The following UBE2W variants were observed in gnomAD, a reference collection of about 807,000 sequenced individuals.
UBE2W encodes ubiquitin-conjugating enzyme E2 W.
A neutral mutation model predicts 27.2 loss-of-function variants in UBE2W; 18 were observed. The ratio of observed to expected loss-of-function variants is 0.66; its 90% CI spans 0.46 to 0.98. The LOEUF (loss-of-function observed/expected upper bound fraction) is 0.98. Ranked by LOEUF, UBE2W falls within the 50% of genes least tolerant of loss-of-function variation. The pLI is 0.00. For synonymous variants in UBE2W, 53 were observed against 57.2 expected (o/e 0.93, Z 0.33); for missense variants, 90 against 180.2 (o/e 0.50, Z 2.87).
downstream of UBE2W, among the ~76,000 whole-genome samples, chr8:73,782,757 T>C (rs1210073217): frequency 6.6e-6 from 1 of 152,244 alleles, no homozygotes; most frequent in African/African-American, 2.4e-5. Flanking sequence ...TTTGTGGACA[T>C]ATGCTTTCTT....
chr8:73,784,130 C>T (rs566852992), downstream of UBE2W, among the ~76,000 whole-genome samples: 29 of 152,232 alleles, frequency 1.9e-4, no homozygotes, highest in Middle Eastern at 6.8e-3. Flanking sequence ...GCAGTGTGTG[C>T]TTATACATGC....
chr8:73,844,399 T>C (rs185563075), intron 1 of UBE2W, among the ~76,000 whole-genome samples: 1 of 152,334 alleles, frequency 6.6e-6, no homozygotes, highest in Admixed American at 6.5e-5. Context: ...TCTGCCAGCC[T>C]CGGCCTCCCG....
In UBE2W at chr8:73,794,045, A is replaced by G. The variant is rs1808310024; in HGVS notation, c.*57T>C. On this transcript the variant is annotated 3_prime_UTR_variant, in exon 6 of 6. Transcript: ENST00000602593. Reference sequence around the variant, plus strand: ...GTTAAAGTTCAAAGACTGAATGATCAAAGTGCTCATTTTCTCAGTAGGACT... The same window carrying G: ...GTTAAAGTTCAAAGACTGAATGATCGAAGTGCTCATTTTCTCAGTAGGACT... The G allele has an allele frequency of 6.2e-7, 1 of 1,610,850 alleles. No individual in the cohort carries two copies. The highest frequency in any genetic ancestry group is 8.5e-7 in the Non-Finnish European group (1 of 1,178,678).
chr8:73,786,600 G>C lies in UBE2W; in HGVS notation c.*7502C>G. On this transcript the variant is annotated 3_prime_UTR_variant, in exon 6 of 6. Coordinates refer to ENST00000602593, the MANE Select transcript of UBE2W (RefSeq NM_018299.6). ...ACTAGACCTTTCAGGTAGAAACGCA[G>C]ATCATGAACATTCTAGGAGGGAAGA... is the stretch of plus-strand genomic sequence containing the variant. The C allele has an allele frequency of 1.0e-6, 1 of 985,434 alleles. No individual in the cohort carries two copies. The highest frequency in any genetic ancestry group is 1.2e-6 in the Non-Finnish European group (1 of 829,936). The allele number at this position is 985,434 out of a possible 1,614,324, so 61.0% of individuals were successfully genotyped here. A position where few individuals can be genotyped will look rare whatever the true frequency, so the allele number is the denominator to read the frequency against.
chr8:73,782,959 G>C (rs1024142389), downstream of UBE2W, among the ~76,000 whole-genome samples: 30 of 152,144 alleles, frequency 2.0e-4, no homozygotes, highest in African/African-American at 6.0e-4. Flanking sequence ...TGGGTGTGTA[G>C]TGGTATCTCA....
chr8:73,828,289 G>A (rs186215545), intron 2 of UBE2W, among the ~76,000 whole-genome samples: 123 of 152,140 alleles, frequency 8.1e-4, no homozygotes, highest in African/African-American at 2.9e-3. Flanking sequence ...TGGCTTTGGT[G>A]GATTTATTAA....
In UBE2W at chr8:73,788,722, T is replaced by C. The variant is rs1452216659; in HGVS notation, c.*5380A>G. On this transcript the variant is annotated 3_prime_UTR_variant, in exon 6 of 6. Transcript: ENST00000602593. ...TGCTTTTGCCTTTGAGAAAACAACT[T>C]AGAATTGTTGTAGGACCAATGAGAA... The C allele has an allele frequency of 3.0e-6, 3 of 985,238 alleles. No individual in the cohort carries two copies. Among genetic ancestry groups the C allele is most frequent in the African/African-American group, 1.7e-5 (1 of 57,208 alleles). The allele number at this position is 985,238 out of a possible 1,614,324, so 61.0% of individuals were successfully genotyped here. A position where few individuals can be genotyped will look rare whatever the true frequency, so the allele number is the denominator to read the frequency against.
At chr8:73,862,154 G>A (rs1370187077) in intron 1 of UBE2W, among the ~76,000 whole-genome samples, 1 of 152,178 alleles carries the variant, frequency 6.6e-6, no homozygotes, top group Non-Finnish European at 1.5e-5. Context: ...TGAAGGCCAG[G>A]TGCAGTGGCT....
intron 1 of UBE2W, among the ~76,000 whole-genome samples, chr8:73,843,269 C>G (rs1230954556): frequency 6.6e-6 from 1 of 152,090 alleles, no homozygotes; most frequent in African/African-American, 2.4e-5. Flanking sequence ...GGTTGCACAA[C>G]AGAGTAAATA....
At chr8:73,816,689 T>A (rs1427286833) in intron 3 of UBE2W, among the ~76,000 whole-genome samples, 2 of 152,186 alleles carry the variant, frequency 1.3e-5, no homozygotes, top group Non-Finnish European at 2.9e-5. Flanking sequence ...ATAAACATTT[T>A]CCCTATTTCT....
At chr8:73,850,678 G>A (rs1325268538) in intron 1 of UBE2W, among the ~76,000 whole-genome samples, 3 of 121,572 alleles carry the variant, frequency 2.5e-5, no homozygotes, top group Non-Finnish European at 4.9e-5. Context: ...ATCCAAGACA[G>A]CAATTTACTG....
intron 4 of UBE2W, among the ~76,000 whole-genome samples, chr8:73,807,814 C>T (rs1808980231): frequency 6.6e-6 from 1 of 152,100 alleles, no homozygotes; most frequent in Admixed American, 6.5e-5. Flanking sequence ...TCATTTATCT[C>T]CCTGACAAAT....
At chr8:73,854,696 A>G (rs1413632147) in intron 1 of UBE2W, among the ~76,000 whole-genome samples, 4 of 152,214 alleles carry the variant, frequency 2.6e-5, no homozygotes, top group Non-Finnish European at 5.9e-5. Flanking sequence ...AGTATGAATT[A>G]CAAATACAGT....
chr8:73,849,844 A>G (rs1810998847), intron 1 of UBE2W, among the ~76,000 whole-genome samples: 1 of 152,148 alleles, frequency 6.6e-6, no homozygotes, highest in Non-Finnish European at 1.5e-5. Flanking sequence ...AGATACTAGG[A>G]TAAGTTTTAA....
chr8:73,830,746 A>G (rs545413459), intron 1 of UBE2W, among the ~76,000 whole-genome samples: 2 of 152,232 alleles, frequency 1.3e-5, no homozygotes, highest in Admixed American at 6.5e-5. Flanking sequence ...TCAGCTTCCC[A>G]AAGTGCTGAG....
chr8:73,791,796 G>GT lies in UBE2W; in HGVS notation c.*2305dup. The stretch of plus-strand genomic sequence containing the variant: ...TTTTCTACTCTTTAAACCATAAGAT[G>GT]TACCGAAATTATTTCATTTTCCTCT... On this transcript the variant is annotated 3_prime_UTR_variant, in exon 6 of 6. Coordinates refer to ENST00000602593, the MANE Select transcript of UBE2W (RefSeq NM_018299.6). 8.1e-6 allele frequency: 8 copies of GT among 984,598 alleles called. No homozygotes were observed. The highest frequency in any genetic ancestry group is 9.6e-6 in the Non-Finnish European group (8 of 829,298). The allele number at this position is 984,598 out of a possible 1,614,324, so 61.0% of individuals were successfully genotyped here.
At chr8:73,817,574 G>A (rs1276440631) in intron 3 of UBE2W, among the ~76,000 whole-genome samples, 2 of 152,088 alleles carry the variant, frequency 1.3e-5, no homozygotes, top group Non-Finnish European at 2.9e-5. Flanking sequence ...CTGGAGTGCA[G>A]TGGCATGATC....
rs190826206 is a variant in UBE2W, at chr8:73,847,992, G to A, written c.16-17520C>T. ...TGAGGCGGGTGGATCACCTGAGGTC[G>A]GGAGTTTGAGACCAGCCTGACCAAT... On this transcript the variant is annotated intron_variant, in intron 1 of 5. Transcript: ENST00000602593. Among the ~76,000 whole-genome samples the A allele has an allele frequency of 2.7e-3, 415 of 151,470 alleles. 2 individuals are homozygous for A. Among genetic ancestry groups the A allele is most frequent in the African/African-American group, 9.7e-3 (402 of 41,266 alleles).
intron 2 of UBE2W, among the ~76,000 whole-genome samples, chr8:73,826,731 T>C (rs1193769493): frequency 6.6e-6 from 1 of 152,216 alleles, no homozygotes; most frequent in Non-Finnish European, 1.5e-5. Flanking sequence ...ATAGTTAATC[T>C]TAACTCATTG....
Sources: allele counts gnomAD v4.1 joint callset (sites outside exome capture counted in the v4.1 genomes callset), GRCh38; gene constraint gnomAD v4.1.1; transcripts MANE v1.5; gene names NCBI Gene and HGNC (gene_info 2026-07-23, HGNC 2026-07-21).